The following GAL3ST1 variants were observed in gnomAD, a reference collection of about 807,000 sequenced individuals.
GAL3ST1 encodes galactosylceramide sulfotransferase.
A neutral mutation model predicts 25.0 loss-of-function variants in GAL3ST1; 13 were observed. The observed-to-expected ratio is 0.52, with a 90% confidence interval of 0.34 to 0.83. The LOEUF is 0.83. Among genes scored for constraint, GAL3ST1 ranks in the 40% least tolerant of loss-of-function variants. GAL3ST1 has a pLI of 0.02. For missense variants in GAL3ST1, 474 were observed against 613.6 expected (o/e 0.77, Z 2.40); for synonymous variants, 274 against 277.8 (o/e 0.99, Z 0.14).
rs746997900 is a variant in GAL3ST1, at chr22:30,555,913, G to A, written c.312C>T (p.Leu104=). ...TGCGGCCGTTAGGGAAGGCGAACTT[G>A]AGCCGGTGCTTCTGGCCGAAGCGGA... is the stretch of plus-strand genomic sequence containing the variant. The part of the protein sequence containing the change: ...ILFRFGQKHR[L]KFAFPNGRND... Residue 104 remains leucine, a synonymous_variant, in exon 4 of 4, where the codon CTC becomes CTT. Transcript: ENST00000406361. This position sits in a 1 kb window ranked among gnomAD's most constrained non-coding sequence, Gnocchi z 8.6. 3 of 1,614,216 alleles carry A rather than the reference G, an allele frequency of 1.9e-6. No individual in the cohort carries two copies. The South Asian group carries it at 3.3e-5, about 18-fold the overall frequency.
intron 1 of GAL3ST1, among the ~76,000 whole-genome samples, chr22:30,563,707 A>T (rs1035991160): frequency 1.3e-5 from 2 of 151,884 alleles, no homozygotes; most frequent in Admixed American, 6.6e-5. Flanking sequence ...AGGTCAGAAG[A>T]TCGAGACCAT....
rs1213625118 is a variant in GAL3ST1, at chr22:30,555,904, G to A, written c.321C>T (p.Ala107=). The change falls in exon 4 of 4, where the codon GCC becomes GCT. Residue 107 remains alanine, a synonymous_variant. Coordinates refer to ENST00000406361, the MANE Select transcript of GAL3ST1 (RefSeq NM_001318104.2). The surrounding 1 kb of genome is among the most constrained non-coding windows in gnomAD (Gnocchi z 8.6). ...CGAAGTCATTGCGGCCGTTAGGGAA[G>A]GCGAACTTGAGCCGGTGCTTCTGGC... ...RFGQKHRLKF[A]FPNGRNDFDY... 1.9e-6 allele frequency: 3 copies of A among 1,614,218 alleles called. No individual in the cohort carries two copies. The highest frequency in any genetic ancestry group is 2.2e-5 in the South Asian group (2 of 91,092).
intron 1 of GAL3ST1, among the ~76,000 whole-genome samples, chr22:30,561,700 T>C (rs1235005889): frequency 1.3e-5 from 2 of 151,922 alleles, no homozygotes; most frequent in Non-Finnish European, 2.9e-5. Flanking sequence ...CAGGAAGCTC[T>C]ATCCTGGGAG....
In GAL3ST1 at chr22:30,562,787, T is replaced by G. The variant is rs531489924; in HGVS notation, c.-119-4399A>C. ...ACTGAGACACAGGAGAGATCCTGTG[T>G]AGGAGACCTACAGACGAAAGTAATA... On this transcript the variant is annotated intron_variant, in intron 1 of 3. Coordinates refer to ENST00000406361, the MANE Select transcript of GAL3ST1 (RefSeq NM_001318104.2). Among the ~76,000 whole-genome samples, 295 of 152,316 alleles carry G rather than the reference T, an allele frequency of 1.9e-3. 3 individuals carry two copies. The highest frequency in any genetic ancestry group is 1.9e-3 in the Non-Finnish European group (132 of 68,032).
rs1477184744 is a variant in GAL3ST1, at chr22:30,555,159, C to T, written c.1066G>A (p.Ala356Thr). ...IDGGHAVDAA[A>T]IQDEAMQPWQ... ...GGCTGCATGGCCTCGTCCTGGATGG[C>T]GGCGGCGTCCACGGCGTGGCCCCCG... The change falls in exon 4 of 4, where the codon GCC (alanine) becomes ACC (threonine). Residue 356 changes from alanine to threonine, a missense_variant. Ala to Thr is a moderately conservative substitution (Grantham distance 58). This residue lies in a region of GAL3ST1 where 359 missense variants were observed against 504.4 expected (regional missense o/e 0.71). Coordinates refer to ENST00000406361, the MANE Select transcript of GAL3ST1 (RefSeq NM_001318104.2). This position sits in a 1 kb window ranked among gnomAD's most constrained non-coding sequence, Gnocchi z 8.6. The T allele has an allele frequency of 5.0e-6, 8 of 1,605,284 alleles. No individual in the cohort carries two copies. The highest frequency in any genetic ancestry group is 1.3e-5 in the African/African-American group (1 of 74,920).
At chr22:30,557,426 C>T in intron 2 of GAL3ST1, 25 bp from the exon 3 acceptor site, 1 of 1,612,758 alleles carries the variant, frequency 6.2e-7, no homozygotes, top group Non-Finnish European at 8.5e-7. Context: ...CAGAGTAGGG[C>T]AAGTGTCAGG....
At chr22:30,563,265 G>C (rs544752237) in intron 1 of GAL3ST1, 1 of 152,300 alleles carries the variant, frequency 6.6e-6, no homozygotes, top group South Asian at 2.1e-4. Context: ...CAAAGCGCAG[G>C]TTTATTTAGC....
intron 1 of GAL3ST1, among the ~76,000 whole-genome samples, chr22:30,570,576 C>T (rs1601984051): frequency 6.6e-6 from 1 of 152,286 alleles, no homozygotes; most frequent in Admixed American, 6.5e-5. Flanking sequence ...GCGGGTGGAT[C>T]ACCTGAGGTC....
intron 1 of GAL3ST1, among the ~76,000 whole-genome samples, chr22:30,571,638 C>T (rs2086788701): frequency 6.6e-6 from 1 of 152,074 alleles, no homozygotes; most frequent in Non-Finnish European, 1.5e-5. Flanking sequence ...CCGAGGCGGG[C>T]AGATCACGAG....
At chr22:30,570,508 G>A (rs1051652304) in intron 1 of GAL3ST1, among the ~76,000 whole-genome samples, 2 of 152,182 alleles carry the variant, frequency 1.3e-5, no homozygotes, top group Non-Finnish European at 2.9e-5. Context: ...TTAAAAAAGA[G>A]TTGCCTGACC....
chr22:30,568,231 G>A (rs764983278), intron 1 of GAL3ST1, among the ~76,000 whole-genome samples: 11 of 152,222 alleles, frequency 7.2e-5, no homozygotes, highest in Admixed American at 2.0e-4. Flanking sequence ...TGGGGTAGGG[G>A]CCTCTGGTGG....
At chr22:30,557,669 T>A in intron 2 of GAL3ST1, 1 of 347,526 alleles carries the variant, frequency 2.9e-6, no homozygotes, top group Non-Finnish European at 5.2e-6. Context: ...AAAATTAAAA[T>A]GAACCGGGTA....
At chr22:30,569,880 C>T (rs1392300116) in intron 1 of GAL3ST1, among the ~76,000 whole-genome samples, 2 of 152,114 alleles carry the variant, frequency 1.3e-5, no homozygotes, top group Non-Finnish European at 2.9e-5. Context: ...CCCAGGAGTT[C>T]GAGACTTGCC....
intron 1 of GAL3ST1, among the ~76,000 whole-genome samples, chr22:30,564,588 G>A (rs1473177949): frequency 1.3e-5 from 2 of 152,112 alleles, no homozygotes; most frequent in Non-Finnish European, 2.9e-5. Flanking sequence ...CATCACATTG[G>A]CCTGCATCAG....
Position 30,570,761 on chromosome 22 carries a change from A to T in GAL3ST1, c.-120+3705T>A, listed in dbSNP as rs985467930. Reference sequence around the variant, plus strand: ...ATATCGTGCCATTGCACTCCAGCCTAGGCAAAAAGAACGAAACTCCGTCTC... The same window carrying T: ...ATATCGTGCCATTGCACTCCAGCCTTGGCAAAAAGAACGAAACTCCGTCTC... On this transcript the variant is annotated intron_variant, in intron 1 of 3. Coordinates refer to ENST00000406361, the MANE Select transcript of GAL3ST1 (RefSeq NM_001318104.2). 2.7e-5 allele frequency among the ~76,000 whole-genome samples: 4 copies of T among 149,298 alleles called. No homozygotes were observed. The Admixed American group carries it at 2.7e-4, about 10-fold the overall frequency.
chr22:30,561,725 G>A (rs189023224), intron 1 of GAL3ST1, among the ~76,000 whole-genome samples: 10 of 152,314 alleles, frequency 6.6e-5, no homozygotes, highest in East Asian at 5.8e-4. Context: ...GCAGGGTCCC[G>A]TCTCTGTGGG....
At position 30,557,246 on chromosome 22, in the gene GAL3ST1, C is replaced by T. The variant is rs1236948200; in HGVS notation, c.131+16G>A. On this transcript the variant is annotated intron_variant, in intron 3 of 3. Coordinates refer to ENST00000406361, the MANE Select transcript of GAL3ST1 (RefSeq NM_001318104.2). ...CCCCCACCTACACCCATCATCTGCC[C>T]AGCTGGGCCACTCACGTGGAGGCCA... 6.2e-7 allele frequency: 1 copy of T among 1,613,724 alleles called. No individual in the cohort carries two copies. Among genetic ancestry groups the T allele is most frequent in the Non-Finnish European group, 8.5e-7 (1 of 1,179,770 alleles).
At chr22:30,573,904 C>T (rs2086840814) in intron 1 of GAL3ST1, among the ~76,000 whole-genome samples, 1 of 152,152 alleles carries the variant, frequency 6.6e-6, no homozygotes. Flanking sequence ...CCTATAGGAC[C>T]CCTCCTGGAT....
chr22:30,567,994 T>G (rs569724127), intron 1 of GAL3ST1, among the ~76,000 whole-genome samples: 1 of 152,110 alleles, frequency 6.6e-6, no homozygotes, highest in Non-Finnish European at 1.5e-5. Flanking sequence ...GTGATAGTTT[T>G]AAATTGATCC....
Sources: gnomAD v4.1 joint callset for allele counts (sites outside exome capture counted in the v4.1 genomes callset) on GRCh38, gnomAD v4.1.1 for gene constraint, gnomAD v4.1.1 regional missense constraint, Gnocchi (gnomAD v3.1) non-coding constraint, MANE v1.5 for transcripts, NCBI Gene and HGNC (gene_info 2026-07-23, HGNC 2026-07-21) for gene names.